SLC2A9: variants seen among roughly 807,000 people sequenced by gnomAD.
The protein encoded by SLC2A9 is solute carrier family 2, facilitated glucose transporter member 9.
A neutral mutation model predicts 50.6 loss-of-function variants in SLC2A9; 39 were observed. The ratio of observed to expected loss-of-function variants is 0.77; its 90% CI spans 0.60 to 1.01. The LOEUF (loss-of-function observed/expected upper bound fraction) is 1.01, where lower values mean the gene tolerates loss of function less well. SLC2A9 is among the 50% of genes least tolerant of loss of function. SLC2A9 has a pLI of 0.00. For synonymous variants in SLC2A9, 324 were observed against 276.9 expected, an observed-to-expected ratio of 1.17 and a Z score of -1.69; for missense variants, 686 against 677.6, an observed-to-expected ratio of 1.01 and a Z score of -0.14.
intron 11 of SLC2A9, among the ~76,000 whole-genome samples, chr4:9,827,309 A>G (rs1475935328): frequency 6.6e-6 from 1 of 152,200 alleles, no homozygotes; most frequent in Non-Finnish European, 1.5e-5. Context: ...TTGAAATCCT[A>G]GCCTCAATCA....
chr4:9,812,588 T>A (rs907869520), intron 3 of SLC2A9, among the ~76,000 whole-genome samples: 4 of 152,124 alleles, frequency 2.6e-5, no homozygotes, highest in African/African-American at 9.7e-5. Flanking sequence ...ATGTCCTTTC[T>A]GCATCTAGGT....
In SLC2A9 at chr4:10,033,898, T is replaced by G. The variant is rs190876865; in HGVS notation, c.-41+6232A>C. 2.3e-3 allele frequency among the ~76,000 whole-genome samples: 347 copies of G among 152,352 alleles called. 4 individuals carry two copies. Among genetic ancestry groups the G allele is most frequent in the Non-Finnish European group, 3.2e-3 (216 of 68,032 alleles). ...CTGTGTCCTTAAGCCCCAGGGCTAA[T>G]GTCATCCCAAGCCCTTCTGCCCTGC... is the stretch of plus-strand genomic sequence containing the variant. On this transcript the variant is annotated intron_variant, in intron 1 of 12. Transcript: ENST00000309065.
At chr4:9,862,667 C>T (rs1242622217) in intron 10 of SLC2A9, among the ~76,000 whole-genome samples, 1 of 152,016 alleles carries the variant, frequency 6.6e-6, no homozygotes, top group African/African-American at 2.4e-5. Flanking sequence ...GGGTGGCTTC[C>T]TTCTCAGACC....
rs149022308 is a variant in SLC2A9 at position 10,032,186 on chromosome 4, T to C, written c.-40-6180A>G. 8.2e-3 allele frequency among the ~76,000 whole-genome samples: 1,252 copies of C among 152,290 alleles called. 15 individuals carry two copies. Among genetic ancestry groups the C allele is most frequent in the Non-Finnish European group, 0.014 (948 of 68,028 alleles). ...TTAAATTGACGTTCAGGTACCATTATAGCAAACTCTAGAAAGCAGTGTAAG... is the reference window on the plus strand; with the variant it reads ...TTAAATTGACGTTCAGGTACCATTACAGCAAACTCTAGAAAGCAGTGTAAG... On this transcript the variant is annotated intron_variant, in intron 1 of 12. Coordinates refer to the SLC2A9 transcript ENST00000309065.
chr4:9,916,055 T>C (rs1003951193), intron 7 of SLC2A9, among the ~76,000 whole-genome samples: 7 of 152,158 alleles, frequency 4.6e-5, no homozygotes, highest in African/African-American at 1.7e-4. Context: ...CTTCCCCTTG[T>C]TCCTCCCAGT....
intron 5 of SLC2A9, among the ~76,000 whole-genome samples, chr4:9,966,627 T>G (rs1410833440): frequency 1.3e-5 from 2 of 152,148 alleles, no homozygotes; most frequent in African/African-American, 4.8e-5. Context: ...ACTCCAGCCT[T>G]GGCGATGGAG....
chr4:10,015,131 C>T (rs1238024566), intron 2 of SLC2A9, among the ~76,000 whole-genome samples: 1 of 152,134 alleles, frequency 6.6e-6, no homozygotes, highest in African/African-American at 2.4e-5. Flanking sequence ...ATGCTTGAGC[C>T]CCTAGGGTTG....
intron 3 of SLC2A9, among the ~76,000 whole-genome samples, chr4:9,787,967 C>T (rs1279471459): frequency 6.6e-6 from 1 of 152,150 alleles, no homozygotes; most frequent in Non-Finnish European, 1.5e-5. Context: ...TGGAGAAATA[C>T]TTTGAGACTA....
chr4:9,855,799 A>C (rs1383030121), intron 10 of SLC2A9, among the ~76,000 whole-genome samples: 2 of 152,208 alleles, frequency 1.3e-5, no homozygotes, highest in African/African-American at 4.8e-5. Flanking sequence ...AGAGTCCAGA[A>C]AAAAGGCCAC....
intron 10 of SLC2A9, among the ~76,000 whole-genome samples, chr4:9,853,968 C>G (rs993961743): frequency 6.6e-6 from 1 of 151,858 alleles, no homozygotes; most frequent in African/African-American, 2.4e-5. Flanking sequence ...ATATAACATA[C>G]CAGAATCTCT....
chr4:9,921,478 T>C (rs1210550472), intron 6 of SLC2A9, among the ~76,000 whole-genome samples: 1 of 152,242 alleles, frequency 6.6e-6, no homozygotes, highest in Non-Finnish European at 1.5e-5. Context: ...AGGTGGCTAT[T>C]GTGCTGGCTC....
intron 3 of SLC2A9, among the ~76,000 whole-genome samples, chr4:9,993,213 T>C (rs775818878): frequency 1.3e-5 from 2 of 152,218 alleles, no homozygotes; most frequent in African/African-American, 2.4e-5. Flanking sequence ...CCCATGTGTG[T>C]TTTCCTATAG....
intron 7 of SLC2A9, among the ~76,000 whole-genome samples, chr4:9,911,657 C>T (rs781356766): frequency 3.3e-5 from 5 of 152,198 alleles, no homozygotes; most frequent in Admixed American, 2.0e-4. Flanking sequence ...TCATGACCTG[C>T]GTGACCGCAG....
intron 10 of SLC2A9, among the ~76,000 whole-genome samples, chr4:9,859,921 A>G (rs1057011215): frequency 6.6e-6 from 1 of 152,096 alleles, no homozygotes; most frequent in African/African-American, 2.4e-5. Flanking sequence ...TCCAGATCCA[A>G]AAGCTGAATA....
intron 6 of SLC2A9, among the ~76,000 whole-genome samples, chr4:9,934,043 C>G: frequency 6.6e-6 from 1 of 152,150 alleles, no homozygotes; most frequent in East Asian, 1.9e-4. Flanking sequence ...CATCTGTGAC[C>G]TTAATTCCAT....
intron 7 of SLC2A9, among the ~76,000 whole-genome samples, chr4:9,911,356 CT>C (rs1274705581): frequency 6.6e-6 from 1 of 152,082 alleles, no homozygotes; most frequent in Non-Finnish European, 1.5e-5. Context: ...TGCCCTCCCC[CT>C]ACATCAGCTG....
At chr4:9,874,108 A>G (rs1337474952) in intron 10 of SLC2A9, among the ~76,000 whole-genome samples, 1 of 152,084 alleles carries the variant, frequency 6.6e-6, no homozygotes, top group African/African-American at 2.4e-5. Context: ...TTTACTCCAG[A>G]GCGTCTCTCC....
At chr4:10,014,118 G>C (rs1464647584) in intron 2 of SLC2A9, among the ~76,000 whole-genome samples, 3 of 152,168 alleles carry the variant, frequency 2.0e-5, no homozygotes, top group Non-Finnish European at 4.4e-5. Context: ...CTTCCAGCCT[G>C]TGTTAGATTC....
chr4:9,794,596 T>C (rs1720363232), downstream of SLC2A9, among the ~76,000 whole-genome samples: 1 of 152,220 alleles, frequency 6.6e-6, no homozygotes, highest in Non-Finnish European at 1.5e-5. Flanking sequence ...AACCTATGCT[T>C]GTCTGGCTAG....
Sources: allele counts gnomAD v4.1 joint callset (sites outside exome capture counted in the v4.1 genomes callset), GRCh38; gene constraint gnomAD v4.1.1; transcripts MANE v1.5; gene names NCBI Gene and HGNC (gene_info 2026-07-23, HGNC 2026-07-21).